PTPN21: variants seen among roughly 807,000 people sequenced by gnomAD.
PTPN21 encodes tyrosine-protein phosphatase non-receptor type 21.
A neutral mutation model predicts 131.8 loss-of-function variants in PTPN21; 77 were observed. That is an observed-to-expected ratio of 0.58 (90% CI 0.49 to 0.71). The LOEUF (loss-of-function observed/expected upper bound fraction) is 0.71. Among genes scored for constraint, PTPN21 ranks in the 30% least tolerant of loss-of-function variants. The pLI is 0.00. For synonymous variants in PTPN21, 715 were observed against 621.3 expected, an observed-to-expected ratio of 1.15 and a Z score of -2.24; for missense variants, 1,552 against 1,527.1, an observed-to-expected ratio of 1.02 and a Z score of -0.27.
intron 6 of PTPN21, among the ~76,000 whole-genome samples, chr14:88,503,044 A>G (rs816067): frequency 0.16 from 23,356 of 150,394 alleles, 2,402 homozygotes; most frequent in Admixed American, 0.29. Context: ...GAGGTAACTA[A>G]ATCTTTTTCT....
At chr14:88,554,336 C>T (rs1401515615) in intron 1 of PTPN21, among the ~76,000 whole-genome samples, 1 of 152,182 alleles carries the variant, frequency 6.6e-6, no homozygotes, top group Non-Finnish European at 1.5e-5. Flanking sequence ...GCGAATTTCA[C>T]GTTTATATAT....
chr14:88,522,612 C>T (rs1306615318), intron 2 of PTPN21, among the ~76,000 whole-genome samples: 1 of 151,994 alleles, frequency 6.6e-6, no homozygotes, highest in Non-Finnish European at 1.5e-5. Context: ...GCTTTGGGAC[C>T]TGCCCCAATG....
chr14:88,514,183 T>C (rs1183184636), intron 3 of PTPN21, among the ~76,000 whole-genome samples: 1 of 152,204 alleles, frequency 6.6e-6, no homozygotes, highest in Non-Finnish European at 1.5e-5. Context: ...CATCTATTTT[T>C]TATCTTGTCT....
intron 15 of PTPN21, 51 bp downstream of exon 15, chr14:88,472,193 A>G (rs770205377): frequency 1.2e-5 from 12 of 989,696 alleles, no homozygotes; most frequent in Non-Finnish European, 1.9e-5. Context: ...CCATTCTTGT[A>G]ACTTAACTGA....
chr14:88,472,393 G>A lies in PTPN21; in HGVS notation c.2722C>T (p.Leu908=). The change falls in exon 15 of 19, where the codon CTA becomes TTA. Residue 908 remains leucine, a synonymous_variant. Coordinates refer to ENST00000556564, the MANE Select transcript of PTPN21 (RefSeq NM_007039.4). ...TEYERILKKR[L]VDGECSTARL... The stretch of plus-strand genomic sequence containing the variant: ...GCTGTTGAGCACTCCCCATCAACTA[G>A]CCGTTTCTTAAGAATTCTTTCATAT... The A allele has an allele frequency of 6.2e-7, 1 of 1,613,964 alleles. No individual in the cohort carries two copies. Among genetic ancestry groups the A allele is most frequent in the Non-Finnish European group, 8.5e-7 (1 of 1,179,896 alleles).
intron 10 of PTPN21, among the ~76,000 whole-genome samples, chr14:88,492,621 T>G (rs1457394434): frequency 6.6e-6 from 1 of 152,164 alleles, no homozygotes; most frequent in African/African-American, 2.4e-5. Context: ...ATGTTATCTT[T>G]ACACTGCTGC....
chr14:88,470,101 G>C, intron 15 of PTPN21, 51 bp from the exon 16 acceptor site: 1 of 1,558,626 alleles, frequency 6.4e-7, no homozygotes, highest in Non-Finnish European at 8.8e-7. Context: ...AATATACATA[G>C]GTATGTATGC....
At chr14:88,545,994 A>AC (rs2078772829) in intron 2 of PTPN21, among the ~76,000 whole-genome samples, 2 of 145,394 alleles carry the variant, frequency 1.4e-5, no homozygotes, top group Non-Finnish European at 3.0e-5. Flanking sequence ...TCTGTCTCAA[A>AC]TAAAAAAAAA....
chr14:88,528,639 A>G (rs2078513540), intron 2 of PTPN21, among the ~76,000 whole-genome samples: 1 of 151,946 alleles, frequency 6.6e-6, no homozygotes, highest in African/African-American at 2.4e-5. Flanking sequence ...AATAAGTCTC[A>G]TGAGATCTGA....
chr14:88,522,448 A>G (rs924881270), intron 2 of PTPN21, among the ~76,000 whole-genome samples: 5 of 151,368 alleles, frequency 3.3e-5, no homozygotes, highest in South Asian at 2.1e-4. Flanking sequence ...AAAAAAGAAA[A>G]AAAGAAAGGT....
intron 6 of PTPN21, 61 bp from the exon 7 acceptor site, chr14:88,501,429 C>T: frequency 7.1e-7 from 1 of 1,411,136 alleles, no homozygotes; most frequent in Admixed American, 1.7e-5. Context: ...TAAAATAAAG[C>T]TTTTCTTAAA....
intron 2 of PTPN21, 134 bp downstream of exon 2, chr14:88,550,104 G>A: frequency 3.4e-6 from 3 of 887,582 alleles, no homozygotes; most frequent in Non-Finnish European, 5.1e-6. Context: ...AGTAGAGACA[G>A]GGTTTCACCA....
intron 8 of PTPN21, among the ~76,000 whole-genome samples, chr14:88,497,848 C>T (rs1276081100): frequency 2.6e-5 from 4 of 151,160 alleles, no homozygotes; most frequent in African/African-American, 4.9e-5. Context: ...GCCTGCAATC[C>T]GAGCACTTTG....
At chr14:88,537,914 T>C (rs770863096) in intron 2 of PTPN21, among the ~76,000 whole-genome samples, 9 of 152,170 alleles carry the variant, frequency 5.9e-5, no homozygotes, top group Middle Eastern at 3.4e-3. Context: ...TGAAACACAA[T>C]GGTATTTGTG....
Position 88,471,762 on chromosome 14 carries a change from G to T in PTPN21, c.2871+482C>A, listed in dbSNP as rs1387569838. On this transcript the variant is annotated intron_variant, in intron 15 of 18. Coordinates refer to ENST00000556564, the MANE Select transcript of PTPN21 (RefSeq NM_007039.4). ...ATGAGGAAAAACTAGCAATTCAGTG[G>T]CTCCCAGAATTTATGAGCTAAAAAG... Among the ~76,000 whole-genome samples, 9 of 152,086 alleles carry T rather than the reference G, an allele frequency of 5.9e-5. No individual in the cohort carries two copies. In the East Asian group the frequency reaches 1.7e-3, roughly 29 times the overall value.
intron 2 of PTPN21, among the ~76,000 whole-genome samples, chr14:88,541,484 G>A (rs144640535): frequency 6.6e-5 from 10 of 152,322 alleles, no homozygotes; most frequent in African/African-American, 2.4e-4. Flanking sequence ...AATTGGCCTG[G>A]GAACTTGATT....
At chr14:88,472,517 A>G in intron 14 of PTPN21, 52 bp from the exon 15 acceptor site, 1 of 1,089,958 alleles carries the variant, frequency 9.2e-7, no homozygotes, top group Non-Finnish European at 1.4e-6. Flanking sequence ...CGTCGTGGCT[A>G]CCTTTTGACT....
At chr14:88,488,551 G>A (rs1365081039) in intron 10 of PTPN21, among the ~76,000 whole-genome samples, 1 of 152,194 alleles carries the variant, frequency 6.6e-6, no homozygotes, top group Non-Finnish European at 1.5e-5. Flanking sequence ...TGTAACTGTT[G>A]GCTGTGGTTT....
intron 11 of PTPN21, 79 bp from the exon 12 acceptor site, chr14:88,485,239 TTTCTGTTAAAAAAAC>T: frequency 1.1e-6 from 1 of 889,126 alleles, no homozygotes; most frequent in Admixed American, 2.9e-5. Context: ...CACTGGATTC[TTTCTGTTAAAAAAAC>T]TTCTAAAGGA....
Sources: gnomAD v4.1 joint callset for allele counts (sites outside exome capture counted in the v4.1 genomes callset) on GRCh38, gnomAD v4.1.1 for gene constraint, MANE v1.5 for transcripts, NCBI Gene and HGNC (gene_info 2026-07-23, HGNC 2026-07-21) for gene names.